The following HERC5 variants were observed in gnomAD, a reference collection of about 807,000 sequenced individuals.
HERC5 encodes the protein E3 ISG15--protein ligase HERC5.
Under a neutral mutation model 119.6 loss-of-function variants are expected in HERC5, and 99 were observed. The ratio of observed to expected loss-of-function variants is 0.83; its 90% confidence interval spans 0.70 to 0.98. The LOEUF (loss-of-function observed/expected upper bound fraction) is 0.98. Ranked by LOEUF, HERC5 falls within the 50% of genes least tolerant of loss-of-function variation. The pLI is 0.00. For synonymous variants in HERC5, 478 were observed against 445.9 expected (o/e 1.07, Z -0.91); for missense variants, 1,267 against 1,241.3 (o/e 1.02, Z -0.31).
intron 11 of HERC5, chr4:88,473,096 T>G (rs1740933863): frequency 6.6e-6 from 1 of 152,134 alleles, no homozygotes; most frequent in African/African-American, 2.4e-5. Context: ...AAACGGAGTC[T>G]CGCTTTGTTG....
Position 88,493,106 on chromosome 4 carries a change from G to T in HERC5, c.2228G>T (p.Gly743Val). The T allele has an allele frequency of 1.2e-6, 2 of 1,614,072 alleles. No homozygotes were observed. The highest frequency in any genetic ancestry group is 1.7e-6 in the Non-Finnish European group (2 of 1,180,004). Residue 743 changes from glycine (G) to valine (V), a missense_variant, in exon 17 of 23, where the codon GGG (glycine) becomes GTG (valine). Around this residue, in one of 3 missense-constraint regions of HERC5, gnomAD observed 473 missense variants for 445.7 expected, o/e 1.06. Coordinates refer to ENST00000264350, the MANE Select transcript of HERC5 (RefSeq NM_016323.4). ...LFAEMIQPEY[G>V]MFMYPEGASC... ...GCAGAGATGATCCAGCCGGAATATG[G>T]GATGTTCATGTATCCTGAAGGGGCT... is the stretch of plus-strand genomic sequence containing the variant.
At chr4:88,464,073 G>A (rs1740554213) in intron 6 of HERC5, 88 bp downstream of exon 6, 10 of 1,142,604 alleles carry the variant, frequency 8.8e-6, no homozygotes, top group Non-Finnish European at 1.2e-5. Flanking sequence ...GTTTCTTTGA[G>A]ATGTATCAAA....
intron 18 of HERC5, among the ~76,000 whole-genome samples, chr4:88,498,460 A>G (rs146318143): frequency 6.6e-5 from 10 of 152,340 alleles, no homozygotes; most frequent in African/African-American, 1.7e-4. Context: ...TTAATGTTGC[A>G]TGCCATTTTG....
At chr4:88,468,221 T>C in intron 7 of HERC5, 125 bp from the exon 8 acceptor site, 1 of 672,504 alleles carries the variant, frequency 1.5e-6, no homozygotes. Context: ...GAAAATGTAC[T>C]AAGTTTTGTC....
At position 88,472,934 on chromosome 4, in the gene HERC5, T is replaced by C. The variant is rs59421640; in HGVS notation, c.1392+432T>C. 1,326 of 153,918 alleles carry C rather than the reference T, an allele frequency of 8.6e-3. 23 individuals carry two copies. Among genetic ancestry groups the C allele is most frequent in the African/African-American group, 0.03 (1,226 of 41,548 alleles). 9.5% of individuals were successfully genotyped at this position (153,918 alleles called of 1,614,324 possible). A position where few individuals can be genotyped will look rare whatever the true frequency, so the allele number is the denominator to read the frequency against. On this transcript the variant is annotated intron_variant, in intron 11 of 22. Transcript: ENST00000264350. ...ACTGCCTGGATTCTTTTTTTTTTTT[T>C]TTTTCCATTCTACTTTTCTGTAGAT...
At chr4:88,491,854 G>T (rs1288613411) in intron 16 of HERC5, among the ~76,000 whole-genome samples, 1 of 152,066 alleles carries the variant, frequency 6.6e-6, no homozygotes, top group Non-Finnish European at 1.5e-5. Flanking sequence ...GAATGGAGGG[G>T]TGACTGAAGG....
chr4:88,489,327 A>G lies in HERC5; in HGVS notation c.2124A>G (p.Lys708=). 3 of 1,611,368 alleles carry G rather than the reference A, an allele frequency of 1.9e-6. No individual in the cohort carries two copies. The highest frequency in any genetic ancestry group is 2.2e-5 in the East Asian group (1 of 44,832). ...LSQFENEDLR[K]ELWVSFSGEI... ...AATTTGAGAATGAAGACCTGAGGAAAGAGTTATGGGTAAGGTGTAATTCTC... is the reference window on the plus strand; with the variant it reads ...AATTTGAGAATGAAGACCTGAGGAAGGAGTTATGGGTAAGGTGTAATTCTC... Residue 708 remains lysine (K), a synonymous_variant, in exon 16 of 23, where the codon AAA becomes AAG. Coordinates refer to ENST00000264350, the MANE Select transcript of HERC5 (RefSeq NM_016323.4).
chr4:88,477,024 TTTCTC>T (rs1175605227), intron 12 of HERC5, among the ~76,000 whole-genome samples: 4 of 149,888 alleles, frequency 2.7e-5, no homozygotes, highest in African/African-American at 4.9e-5. Flanking sequence ...GTCATTCAAA[TTTCTC>T]TTCTTTTCCC....
chr4:88,474,413 G>T (rs1369886121), intron 11 of HERC5, among the ~76,000 whole-genome samples: 1 of 152,150 alleles, frequency 6.6e-6, no homozygotes, highest in Non-Finnish European at 1.5e-5. Context: ...GGACTGGCTC[G>T]AGGGTATCAC....
intron 13 of HERC5, among the ~76,000 whole-genome samples, chr4:88,482,362 C>T (rs1033893695): frequency 6.6e-6 from 1 of 151,856 alleles, no homozygotes; most frequent in African/African-American, 2.4e-5. Context: ...AGCTTAAATG[C>T]AGCCCTCTGC....
chr4:88,490,699 T>C (rs1024687071), intron 16 of HERC5, among the ~76,000 whole-genome samples: 2 of 151,804 alleles, frequency 1.3e-5, no homozygotes, highest in Non-Finnish European at 2.9e-5. Flanking sequence ...CAAAAATTAG[T>C]TGGGTGTGGT....
intron 12 of HERC5, 38 bp downstream of exon 12, chr4:88,476,068 T>C (rs1358293183): frequency 6.6e-7 from 1 of 1,518,312 alleles, no homozygotes; most frequent in Non-Finnish European, 9.0e-7. Flanking sequence ...ACCTGTCTTC[T>C]CAGTGGAAAG....
intron 13 of HERC5, among the ~76,000 whole-genome samples, 153 bp from the exon 14 acceptor site, chr4:88,485,962 T>G (rs1386899470): frequency 6.6e-6 from 1 of 152,172 alleles, no homozygotes; most frequent in Non-Finnish European, 1.5e-5. Context: ...CATGAAAATT[T>G]GGGGCTCTGG....
At chr4:88,492,496 C>T (rs956886298) in intron 16 of HERC5, among the ~76,000 whole-genome samples, 13 of 151,524 alleles carry the variant, frequency 8.6e-5, no homozygotes, top group Admixed American at 7.9e-4. Context: ...GTAATCTCAG[C>T]GCTTTGGGAG....
intron 2 of HERC5, 144 bp downstream of exon 2, chr4:88,459,614 C>T (rs1740343868): frequency 1.9e-6 from 1 of 531,522 alleles, no homozygotes; most frequent in Non-Finnish European, 3.2e-6. Context: ...CAGTAAAGTC[C>T]TTATGTCCCC....
At chr4:88,494,488 C>T (rs1474338141) in intron 18 of HERC5, among the ~76,000 whole-genome samples, 157 bp downstream of exon 18, 3 of 152,158 alleles carry the variant, frequency 2.0e-5, no homozygotes, top group Non-Finnish European at 4.4e-5. Context: ...ATGATAATTT[C>T]GTTTTCTAAA....
Position 88,457,216 on chromosome 4 carries a change from G to A in HERC5, c.-54G>A. On this transcript the variant is annotated 5_prime_UTR_variant, in exon 1 of 23. Coordinates refer to ENST00000264350, the MANE Select transcript of HERC5 (RefSeq NM_016323.4). ...TGAGGCAGTGGGCGCGCTCAGTCCC[G>A]GGACCAGGCGTTCTCTCCTCTCGCC... The A allele has an allele frequency of 7.9e-7, 1 of 1,265,578 alleles. No homozygotes were observed. Among genetic ancestry groups the A allele is most frequent in the Non-Finnish European group, 1.0e-6 (1 of 1,003,528 alleles). The allele number at this position is 1,265,578 out of a possible 1,614,324, so 78.4% of individuals were successfully genotyped here. A position where few individuals can be genotyped will look rare whatever the true frequency, so the allele number is the denominator to read the frequency against.
chr4:88,487,049 A>G lies in HERC5; in HGVS notation c.1852-20A>G, dbSNP rs1202108930. 1 of 1,524,426 alleles carries G rather than the reference A, an allele frequency of 6.6e-7. No individual in the cohort carries two copies. Among genetic ancestry groups the G allele is most frequent in the East Asian group, 2.3e-5 (1 of 44,316 alleles). 94.4% of individuals were successfully genotyped at this position (1,524,426 alleles called of 1,614,324 possible). ...CTCTGTCCTTTAACTTATCAGAATT[A>G]TTGTCATTTCCATTTTTAGGACGCT... On this transcript the variant is annotated intron_variant, in intron 14 of 22. Transcript: ENST00000264350.
chr4:88,489,666 G>T (rs1296678539), intron 16 of HERC5, among the ~76,000 whole-genome samples: 2 of 152,140 alleles, frequency 1.3e-5, no homozygotes, highest in Non-Finnish European at 2.9e-5. Context: ...GTTTCAATGA[G>T]ATGGTTAGCA....
Sources: allele counts gnomAD v4.1 joint callset (sites outside exome capture counted in the v4.1 genomes callset), GRCh38; gene constraint gnomAD v4.1.1; regional missense constraint gnomAD v4.1.1; transcripts MANE v1.5; gene names NCBI Gene and HGNC (gene_info 2026-07-23, HGNC 2026-07-21).